Variants in RPS6KA6 observed in about 807,000 individuals in gnomAD.
The protein encoded by RPS6KA6 is ribosomal protein S6 kinase alpha-6.
Under a neutral mutation model 65.4 loss-of-function variants are expected in RPS6KA6, and 27 were observed. That is an observed-to-expected ratio of 0.41 (90% confidence interval 0.30 to 0.57). The LOEUF (loss-of-function observed/expected upper bound fraction) is 0.57, where lower values mean the gene tolerates loss of function less well. Ranked by LOEUF, RPS6KA6 falls within the 20% of genes least tolerant of loss-of-function variation. The pLI is 0.24. For synonymous variants in RPS6KA6, 190 were observed against 184.2 expected, an observed-to-expected ratio of 1.03 and a Z score of -0.26; for missense variants, 486 against 555.6, an observed-to-expected ratio of 0.87 and a Z score of 1.26.
intron 17 of RPS6KA6, 132 bp downstream of exon 17, chrX:84,104,367 T>C (rs2034314516): frequency 6.0e-6 from 2 of 331,302 alleles, no homozygotes; most frequent in African/African-American, 5.4e-5. Flanking sequence ...CACTACATTG[T>C]GAGTTCTATT....
intron 20 of RPS6KA6, among the ~76,000 whole-genome samples, chrX:84,079,310 T>G (rs926207198): frequency 9.0e-6 from 1 of 111,507 alleles, no homozygotes; most frequent in African/African-American, 3.3e-5. Flanking sequence ...CCCACCGTCT[T>G]TGCAACCCAC....
chrX:84,095,474 T>C (rs1257900818), intron 20 of RPS6KA6, among the ~76,000 whole-genome samples: 4 of 111,815 alleles, frequency 3.6e-5, no homozygotes, highest in African/African-American at 1.3e-4. Flanking sequence ...TTCACTAATA[T>C]GGCAGCCACT....
At chrX:84,104,373 C>G in intron 17 of RPS6KA6, 126 bp downstream of exon 17, 1 of 351,950 alleles carries the variant, frequency 2.8e-6, no homozygotes, top group Non-Finnish European at 4.7e-6. Context: ...ATTGTGAGTT[C>G]TATTAGGATA....
chrX:84,181,846 T>C (rs966191798), intron 1 of RPS6KA6, among the ~76,000 whole-genome samples: 3 of 111,140 alleles, frequency 2.7e-5, no homozygotes, highest in East Asian at 2.8e-4. Flanking sequence ...GCCTGCTTAT[T>C]TGTGCTCTAT....
At chrX:84,182,214 C>T (rs960437896) in intron 1 of RPS6KA6, among the ~76,000 whole-genome samples, 1 of 110,165 alleles carries the variant, frequency 9.1e-6, no homozygotes, top group Non-Finnish European at 1.9e-5. Context: ...TCTGCAAAAG[C>T]CAGATTTAGC....
In RPS6KA6 at chrX:84,059,114, CTTTTTTTTTTTTTTTTTTTT is replaced by C. The variant is rs200378989; in HGVS notation, c.*5143_*5162del. The C allele has an allele frequency of 3.5e-5, 1 of 28,293 alleles. No individual in the cohort carries two copies. The highest frequency in any genetic ancestry group is 5.9e-5 in the Non-Finnish European group (1 of 16,807). 2.3% of individuals were successfully genotyped at this position (28,293 alleles called of 1,213,427 possible). A position where few individuals can be genotyped will look rare whatever the true frequency, so the allele number is the denominator to read the frequency against. ...AACTTTTTAAATGGCTGTTTCTTTT[CTTTTTTTTTTTTTTTTTTTT>C]TTTTTTTTTTTGTGAGACGGAGTTT... On this transcript the variant is annotated 3_prime_UTR_variant, in exon 22 of 22. Transcript: ENST00000262752.
chrX:84,172,826 CATG>C (rs2035708108), intron 1 of RPS6KA6, among the ~76,000 whole-genome samples: 1 of 111,312 alleles, frequency 9.0e-6, no homozygotes, highest in Non-Finnish European at 1.9e-5. Context: ...CAACATGAAC[CATG>C]ATGATATTAT....
chrX:84,113,926 T>C (rs1333672014), intron 12 of RPS6KA6, among the ~76,000 whole-genome samples: 1 of 112,106 alleles, frequency 8.9e-6, no homozygotes, highest in Non-Finnish European at 1.9e-5. Context: ...ACAAATTCAG[T>C]AATGTTTAAA....
chrX:84,135,862 A>AT lies in RPS6KA6; in HGVS notation c.502-653dup, dbSNP rs763403527. 4.5e-3 allele frequency among the ~76,000 whole-genome samples: 503 copies of AT among 111,663 alleles called. 1 individual carries two copies. Among genetic ancestry groups the AT allele is most frequent in the African/African-American group, 0.016 (484 of 30,833 alleles). On this transcript the variant is annotated intron_variant, in intron 6 of 21. Transcript: ENST00000262752. ...TGTATTAATCATTTTGTGTCTGGAA[A>AT]TACGGCTGCTATGATGAAGTGAAGA...
intron 18 of RPS6KA6, among the ~76,000 whole-genome samples, chrX:84,100,674 A>C (rs914099351): frequency 2.7e-5 from 3 of 110,708 alleles, no homozygotes; most frequent in African/African-American, 9.8e-5. Flanking sequence ...CTCCTATAAA[A>C]CCACTGAAAT....
Position 84,138,413 on chromosome X carries a change from T to C in RPS6KA6, c.502-3203A>G, listed in dbSNP as rs75098960. On this transcript the variant is annotated intron_variant, in intron 6 of 21. Transcript: ENST00000262752. ...ACTGAAAAAAAAAAATAGCCTGGTA[T>C]AGTGGCGCACGCTTCTGTAGTCCAA... Among the ~76,000 whole-genome samples, 354 of 109,196 alleles carry C rather than the reference T, an allele frequency of 3.2e-3. 7 individuals carry two copies. In the East Asian group the frequency reaches 0.084, roughly 26 times the overall value. 94.8% of individuals were successfully genotyped at this position (109,196 alleles called of 115,157 possible).
Position 84,135,998 on chromosome X carries a change from C to T in RPS6KA6, c.502-788G>A, listed in dbSNP as rs141873358. On this transcript the variant is annotated intron_variant, in intron 6 of 21. Transcript: ENST00000262752. The stretch of plus-strand genomic sequence containing the variant: ...AGGACAATAATATCTGCTGTATATA[C>T]CTAACAAGGTTGTCGTAAGAATCAA... Among the ~76,000 whole-genome samples the T allele has an allele frequency of 8.1e-5, 9 of 111,388 alleles. No individual in the cohort carries two copies. The East Asian group carries it at 2.5e-3, about 31-fold the overall frequency.
intron 1 of RPS6KA6, among the ~76,000 whole-genome samples, chrX:84,186,402 T>C (rs1431063797): frequency 5.4e-5 from 6 of 112,107 alleles, no homozygotes; most frequent in Non-Finnish European, 1.1e-4. Context: ...TAGACAATTG[T>C]GCAAACAGTT....
chrX:84,160,747 C>G (rs781157855), intron 2 of RPS6KA6, among the ~76,000 whole-genome samples: 6 of 110,934 alleles, frequency 5.4e-5, no homozygotes, highest in African/African-American at 2.0e-4. Flanking sequence ...TCGATATACC[C>G]TTCTCATTCA....
rs1013223190 is a variant in RPS6KA6 at position 84,064,214 on chromosome X, T to C, written c.*63A>G. On this transcript the variant is annotated 3_prime_UTR_variant, in exon 22 of 22. Coordinates refer to ENST00000262752, the MANE Select transcript of RPS6KA6 (RefSeq NM_014496.5). ...CAGACAACGATGCCTTTGATAAGAATAGGAAAAAAGCCACACATTTAATTT... is the reference window on the plus strand; with the variant it reads ...CAGACAACGATGCCTTTGATAAGAACAGGAAAAAAGCCACACATTTAATTT... 4.2e-5 allele frequency: 48 copies of C among 1,142,939 alleles called. No individual in the cohort carries two copies. The highest frequency in any genetic ancestry group is 2.5e-5 in the Admixed American group (1 of 39,746). The allele number at this position is 1,142,939 out of a possible 1,213,427, so 94.2% of individuals were successfully genotyped here.
chrX:84,138,829 G>C (rs1311454217), intron 6 of RPS6KA6, among the ~76,000 whole-genome samples: 1 of 109,942 alleles, frequency 9.1e-6, no homozygotes, highest in Non-Finnish European at 1.9e-5. Flanking sequence ...GTGTGTGTGT[G>C]TGTGTGTGTG....
chrX:84,182,518 G>A (rs1405034708), intron 1 of RPS6KA6, among the ~76,000 whole-genome samples: 4 of 111,607 alleles, frequency 3.6e-5, no homozygotes, highest in Non-Finnish European at 5.7e-5. Context: ...AATTCTAGAT[G>A]AGAGAGACTA....
At chrX:84,086,946 G>A (rs1286371482) in intron 20 of RPS6KA6, among the ~76,000 whole-genome samples, 1 of 110,753 alleles carries the variant, frequency 9.0e-6, no homozygotes, top group Non-Finnish European at 1.9e-5. Context: ...ATTTTTTAAA[G>A]TGTATTTTGT....
At chrX:84,140,753 A>C (rs1261491929) in intron 6 of RPS6KA6, among the ~76,000 whole-genome samples, 86 of 100,942 alleles carry the variant, frequency 8.5e-4, no homozygotes, top group Admixed American at 7.4e-3. Flanking sequence ...AAAAAAAAAA[A>C]CATACATATA....
Sources: gnomAD v4.1 joint callset for allele counts (sites outside exome capture counted in the v4.1 genomes callset) on GRCh38, gnomAD v4.1.1 for gene constraint, MANE v1.5 for transcripts, NCBI Gene and HGNC (gene_info 2026-07-23, HGNC 2026-07-21) for gene names.